PPP2R3A: variants seen among roughly 807,000 people sequenced by gnomAD.
The protein encoded by PPP2R3A is protein phosphatase 2 regulatory subunit B''alpha, also known as serine/threonine-protein phosphatase 2A regulatory subunit B'' subunit alpha.
In PPP2R3A, 80 loss-of-function variants were observed where a neutral mutation model predicts 106.9. The ratio of observed to expected loss-of-function variants is 0.75; its 90% confidence interval spans 0.62 to 0.90. The LOEUF is 0.90. Among genes scored for constraint, PPP2R3A ranks in the 40% least tolerant of loss-of-function variants. The pLI, the probability that PPP2R3A is intolerant of heterozygous loss-of-function variation, is 0.00. For synonymous variants in PPP2R3A, 483 were observed against 468.3 expected (o/e 1.03, Z -0.41); for missense variants, 1,386 against 1,350.4 (o/e 1.03, Z -0.41).
chr3:136,073,209 C>T (rs1329969433), intron 6 of PPP2R3A, among the ~76,000 whole-genome samples: 3 of 152,148 alleles, frequency 2.0e-5, no homozygotes, highest in South Asian at 2.1e-4. Context: ...CCTCATGATC[C>T]GCCTGCCACG....
intron 1 of PPP2R3A, among the ~76,000 whole-genome samples, chr3:135,969,885 C>G (rs939810163): frequency 2.0e-5 from 3 of 152,152 alleles, no homozygotes; most frequent in African/African-American, 4.8e-5. Context: ...CACAGATGAT[C>G]GCAGCTCTTC....
chr3:136,076,115 G>A (rs1576483367), intron 6 of PPP2R3A, among the ~76,000 whole-genome samples: 1 of 152,168 alleles, frequency 6.6e-6, no homozygotes, highest in Non-Finnish European at 1.5e-5. Context: ...TACTTGTGGT[G>A]AAAAGATGAA....
At chr3:136,042,747 A>G (rs1434608844) in intron 4 of PPP2R3A, among the ~76,000 whole-genome samples, 2 of 152,212 alleles carry the variant, frequency 1.3e-5, no homozygotes, top group East Asian at 1.9e-4. Context: ...AATTCTATGA[A>G]TAGATAAGTG....
intron 13 of PPP2R3A, among the ~76,000 whole-genome samples, chr3:136,111,378 A>G (rs1447538175): frequency 6.6e-6 from 1 of 152,118 alleles, no homozygotes; most frequent in Non-Finnish European, 1.5e-5. Flanking sequence ...TAAAATGGAA[A>G]ACTTTCATAT....
chr3:136,000,914 A>G, intron 1 of PPP2R3A, 145 bp from the exon 2 acceptor site: 1 of 374,246 alleles, frequency 2.7e-6, no homozygotes, highest in Non-Finnish European at 4.7e-6. Context: ...GTGTGATGAA[A>G]CAAAGGCATG....
At chr3:136,117,417 C>T (rs760015671) in intron 13 of PPP2R3A, among the ~76,000 whole-genome samples, 4 of 152,034 alleles carry the variant, frequency 2.6e-5, no homozygotes, top group African/African-American at 4.8e-5. Flanking sequence ...ACATGAAAAG[C>T]CCTTCGAAAA....
At chr3:136,128,286 A>C (rs373082650) in intron 13 of PPP2R3A, among the ~76,000 whole-genome samples, 2 of 152,130 alleles carry the variant, frequency 1.3e-5, no homozygotes, top group Admixed American at 6.5e-5. Context: ...GTGCAAAGAC[A>C]CACATAGGCT....
chr3:136,028,760 A>T (rs981878389), intron 3 of PPP2R3A, among the ~76,000 whole-genome samples: 8 of 152,278 alleles, frequency 5.3e-5, no homozygotes, highest in Non-Finnish European at 1.0e-4. Flanking sequence ...ATAAAATTTA[A>T]CAAGGCTGAA....
chr3:136,067,276 CAG>C (rs1284868320), intron 5 of PPP2R3A, among the ~76,000 whole-genome samples: 2 of 152,164 alleles, frequency 1.3e-5, no homozygotes, highest in Non-Finnish European at 2.9e-5. Flanking sequence ...GAAGGACTAA[CAG>C]GGACTGGATT....
chr3:136,023,126 T>C, intron 2 of PPP2R3A: 3 of 1,613,630 alleles, frequency 1.9e-6, no homozygotes, highest in African/African-American at 1.3e-5. Flanking sequence ...GAGAGCTAGC[T>C]TTCCTGGCAA....
chr3:136,060,588 T>C (rs1031435755), intron 5 of PPP2R3A, among the ~76,000 whole-genome samples: 1 of 152,164 alleles, frequency 6.6e-6, no homozygotes, highest in Non-Finnish European at 1.5e-5. Flanking sequence ...AAGATATGCT[T>C]GCTTCCCCTT....
In PPP2R3A at chr3:136,039,703, G is replaced by C. The variant is rs142417785; in HGVS notation, c.2263-1156G>C. On this transcript the variant is annotated intron_variant, in intron 3 of 13. Coordinates refer to ENST00000264977, the MANE Select transcript of PPP2R3A (RefSeq NM_002718.5). ...TGTGGCCCAGTACCTAACAGGCCACGGACTGTTACCTCTCCATGTGTCCAT... is the reference window on the plus strand; with the variant it reads ...TGTGGCCCAGTACCTAACAGGCCACCGACTGTTACCTCTCCATGTGTCCAT... 4.7e-3 allele frequency among the ~76,000 whole-genome samples: 718 copies of C among 152,196 alleles called. 8 individuals are homozygous for C. The highest frequency in any genetic ancestry group is 0.016 in the African/African-American group (671 of 41,500).
chr3:136,037,868 C>T (rs1206083108), intron 3 of PPP2R3A, among the ~76,000 whole-genome samples: 4 of 152,038 alleles, frequency 2.6e-5, no homozygotes, highest in Non-Finnish European at 5.9e-5. Context: ...TCGCCTCCCC[C>T]TCTAAAAATA....
chr3:135,987,611 T>C (rs1202158169), intron 1 of PPP2R3A, among the ~76,000 whole-genome samples: 1 of 152,158 alleles, frequency 6.6e-6, no homozygotes, highest in East Asian at 1.9e-4. Context: ...ACTATCAAGA[T>C]AGTGCCTCAC....
At chr3:136,087,650 T>G in intron 8 of PPP2R3A, 2 of 385,420 alleles carry the variant, frequency 5.2e-6, no homozygotes, top group South Asian at 1.1e-4. Context: ...TGTTCAGACC[T>G]AACTTAGCAT....
intron 2 of PPP2R3A, among the ~76,000 whole-genome samples, chr3:136,023,438 C>T (rs1043995476): frequency 1.3e-5 from 2 of 152,056 alleles, no homozygotes; most frequent in Admixed American, 6.6e-5. Flanking sequence ...ACAGTACTCA[C>T]ATTTTTCTCT....
chr3:136,116,705 A>G (rs181501655), intron 13 of PPP2R3A, among the ~76,000 whole-genome samples: 92 of 152,350 alleles, frequency 6.0e-4, no homozygotes, highest in Non-Finnish European at 7.5e-4. Context: ...TCGTAAATAT[A>G]TATGCACCCA....
intron 4 of PPP2R3A, among the ~76,000 whole-genome samples, chr3:136,043,973 T>C (rs2107851846): frequency 6.6e-6 from 1 of 152,332 alleles, no homozygotes; most frequent in East Asian, 1.9e-4. Flanking sequence ...CCATTTCTGA[T>C]TTCACTTTGT....
chr3:136,125,664 TAGTG>T (rs1468546484), intron 13 of PPP2R3A, among the ~76,000 whole-genome samples: 2 of 152,058 alleles, frequency 1.3e-5, no homozygotes, highest in Non-Finnish European at 2.9e-5. Context: ...CTGGGTAACA[TAGTG>T]AGACCCCATC....
Sources: gnomAD v4.1 joint callset for allele counts (sites outside exome capture counted in the v4.1 genomes callset) on GRCh38, gnomAD v4.1.1 for gene constraint, MANE v1.5 for transcripts, NCBI Gene and HGNC (gene_info 2026-07-23, HGNC 2026-07-21) for gene names.